The following CSMD1 variants were observed in gnomAD, a reference collection of about 807,000 sequenced individuals.
CSMD1 encodes the protein CUB and sushi domain-containing protein 1.
A neutral mutation model predicts 417.5 loss-of-function variants in CSMD1; 213 were observed. The ratio of observed to expected loss-of-function variants is 0.51; its 90% CI spans 0.46 to 0.57. CSMD1 has a LOEUF of 0.57. Ranked by LOEUF, CSMD1 falls within the 20% of genes least tolerant of loss-of-function variation. The probability of loss-of-function intolerance (pLI) is 0.00; values close to 1 mark genes in which losing one functional copy is unlikely to be tolerated. For missense variants in CSMD1, 6,923 were observed against 4,529.7 expected (o/e 1.53, Z -15.17); for synonymous variants, 2,862 against 1,736.8 (o/e 1.65, Z -16.11).
chr8:4,625,514 A>G (rs1402026372), intron 2 of CSMD1, among the ~76,000 whole-genome samples: 1 of 151,844 alleles, frequency 6.6e-6, no homozygotes, highest in East Asian at 1.9e-4. Context: ...CATATGTTCC[A>G]CTTCCTCCCT....
intron 2 of CSMD1, among the ~76,000 whole-genome samples, chr8:4,522,034 T>C (rs1803480402): frequency 6.6e-6 from 1 of 152,194 alleles, no homozygotes; most frequent in African/African-American, 2.4e-5. Context: ...CTGGAGTCAT[T>C]GATACGGTTT....
intron 1 of CSMD1, chr8:4,787,744 C>A (rs1797482498): frequency 6.3e-7 from 1 of 1,587,370 alleles, no homozygotes; most frequent in Non-Finnish European, 8.6e-7. Context: ...TGAGGAACAG[C>A]TGATTGCTGC....
intron 3 of CSMD1, among the ~76,000 whole-genome samples, chr8:4,418,689 T>C (rs980358518): frequency 2.6e-5 from 4 of 152,216 alleles, no homozygotes; most frequent in African/African-American, 9.6e-5. Context: ...AGAGTTTATA[T>C]GAAGTGGTAC....
chr8:3,126,394 G>A (rs1335515985), intron 41 of CSMD1, among the ~76,000 whole-genome samples: 2 of 152,158 alleles, frequency 1.3e-5, no homozygotes, highest in South Asian at 2.1e-4. Context: ...TCTGGTGGTG[G>A]GAATTAGGGT....
chr8:4,583,443 C>T (rs999382084), intron 2 of CSMD1, among the ~76,000 whole-genome samples: 1 of 152,052 alleles, frequency 6.6e-6, no homozygotes, highest in African/African-American at 2.4e-5. Context: ...CCAATCGACA[C>T]TCTGTATCTA....
At chr8:4,601,382 G>C (rs753055901) in intron 2 of CSMD1, among the ~76,000 whole-genome samples, 1 of 152,120 alleles carries the variant, frequency 6.6e-6, no homozygotes. Context: ...TGTTATCATG[G>C]CATTTGCATA....
chr8:3,493,935 T>C (rs1405817456), intron 10 of CSMD1, among the ~76,000 whole-genome samples: 2 of 152,316 alleles, frequency 1.3e-5, no homozygotes, highest in South Asian at 2.1e-4. Context: ...AGAATTGCTA[T>C]TACTCCCAAC....
At chr8:3,856,859 C>T (rs1804349936) in intron 5 of CSMD1, among the ~76,000 whole-genome samples, 1 of 152,162 alleles carries the variant, frequency 6.6e-6, no homozygotes, top group Non-Finnish European at 1.5e-5. Context: ...ACAGCAGATC[C>T]AGCATGGACA....
At chr8:4,526,161 C>G (rs573727005) in intron 2 of CSMD1, among the ~76,000 whole-genome samples, 1 of 152,176 alleles carries the variant, frequency 6.6e-6, no homozygotes, top group East Asian at 1.9e-4. Context: ...TAAGAGAGAA[C>G]CAACATTTGT....
intron 40 of CSMD1, among the ~76,000 whole-genome samples, chr8:3,144,409 A>G (rs1818705068): frequency 6.6e-6 from 1 of 152,162 alleles, no homozygotes; most frequent in Non-Finnish European, 1.5e-5. Context: ...AGAACGTGAA[A>G]AACTGCAGGA....
At chr8:4,537,824 G>T (rs533483170) in intron 2 of CSMD1, among the ~76,000 whole-genome samples, 7 of 152,262 alleles carry the variant, frequency 4.6e-5, no homozygotes, top group African/African-American at 1.7e-4. Context: ...ACAGAGCTGC[G>T]TAAGATCCAG....
At chr8:4,214,221 G>C (rs866891762) in intron 3 of CSMD1, among the ~76,000 whole-genome samples, 5 of 152,134 alleles carry the variant, frequency 3.3e-5, no homozygotes, top group South Asian at 2.1e-4. Flanking sequence ...TAAATGAATG[G>C]ACTAAAATGG....
intron 11 of CSMD1, among the ~76,000 whole-genome samples, chr8:3,477,296 A>G (rs936616319): frequency 6.6e-6 from 1 of 152,220 alleles, no homozygotes; most frequent in Non-Finnish European, 1.5e-5. Flanking sequence ...TACAGTTGAA[A>G]ATTTGACAAT....
intron 49 of CSMD1, among the ~76,000 whole-genome samples, chr8:3,074,819 T>C (rs953211372): frequency 6.6e-6 from 1 of 152,198 alleles, no homozygotes; most frequent in Non-Finnish European, 1.5e-5. Context: ...TGTGATATCA[T>C]TCAATTGATA....
At chr8:3,245,253 T>C (rs1056030590) in intron 26 of CSMD1, among the ~76,000 whole-genome samples, 3 of 152,162 alleles carry the variant, frequency 2.0e-5, no homozygotes, top group African/African-American at 7.2e-5. Context: ...CAAACATTCA[T>C]TCCAGGGCAC....
intron 5 of CSMD1, among the ~76,000 whole-genome samples, chr8:3,933,232 G>A (rs1392582906): frequency 6.6e-6 from 1 of 152,128 alleles, no homozygotes; most frequent in African/African-American, 2.4e-5. Context: ...AAAAGGAGAA[G>A]AAACAAGATT....
chr8:3,514,993 T>C (rs1413019714), intron 10 of CSMD1, among the ~76,000 whole-genome samples: 1 of 152,240 alleles, frequency 6.6e-6, no homozygotes, highest in African/African-American at 2.4e-5. Context: ...AACAACATTT[T>C]ATACTGAAAT....
intron 3 of CSMD1, among the ~76,000 whole-genome samples, chr8:4,234,931 T>C (rs1011210392): frequency 6.6e-6 from 1 of 152,182 alleles, no homozygotes; most frequent in East Asian, 1.9e-4. Context: ...TTGTAACTGA[T>C]GTGCTAATCT....
chr8:3,749,684 G>C (rs1224496568), intron 6 of CSMD1, among the ~76,000 whole-genome samples: 4 of 152,168 alleles, frequency 2.6e-5, no homozygotes, highest in Admixed American at 1.3e-4. Context: ...CATAGAAAGA[G>C]ACCACCAGTG....
Sources: allele counts gnomAD v4.1 joint callset (sites outside exome capture counted in the v4.1 genomes callset), GRCh38; gene constraint gnomAD v4.1.1; transcripts MANE v1.5; gene names NCBI Gene and HGNC (gene_info 2026-07-23, HGNC 2026-07-21).